The following ARHGAP26 variants were observed in gnomAD, a reference collection of about 807,000 sequenced individuals.
ARHGAP26 encodes the protein Rho GTPase activating protein 26, also known as rho GTPase-activating protein 26.
A neutral mutation model predicts 104.8 loss-of-function variants in ARHGAP26; 38 were observed. The observed-to-expected ratio is 0.36, with a 90% CI of 0.28 to 0.48. The LOEUF is 0.48. ARHGAP26 is among the 20% of genes least tolerant of loss of function. The pLI, the probability that ARHGAP26 is intolerant of heterozygous loss-of-function variation, is 0.99. For missense variants in ARHGAP26, 704 were observed against 947.9 expected (o/e 0.74, Z 3.38); for synonymous variants, 341 against 340.0 (o/e 1.00, Z -0.03).
At chr5:142,914,425 A>C (rs1040790815) in intron 10 of ARHGAP26, among the ~76,000 whole-genome samples, 3 of 152,240 alleles carry the variant, frequency 2.0e-5, no homozygotes, top group Admixed American at 6.5e-5. Flanking sequence ...ACTTTGAGCA[A>C]ATTACTTAAT....
At chr5:143,050,138 T>C (rs1465470465) in intron 14 of ARHGAP26, among the ~76,000 whole-genome samples, 1 of 152,222 alleles carries the variant, frequency 6.6e-6, no homozygotes, top group Non-Finnish European at 1.5e-5. Context: ...ACCTATCACA[T>C]TGTTTCCCCA....
intron 1 of ARHGAP26, among the ~76,000 whole-genome samples, chr5:142,817,821 C>G (rs1765433902): frequency 6.6e-6 from 1 of 152,148 alleles, no homozygotes; most frequent in South Asian, 2.1e-4. Flanking sequence ...ATAGGACCAG[C>G]CATACTAATG....
chr5:142,861,269 A>G (rs1353658359), intron 1 of ARHGAP26, among the ~76,000 whole-genome samples: 1 of 152,026 alleles, frequency 6.6e-6, no homozygotes, highest in Non-Finnish European at 1.5e-5. Context: ...AAAAGTGACT[A>G]ATTAAAGAGG....
chr5:142,907,633 G>C (rs77347326), intron 8 of ARHGAP26, 71 bp from the exon 9 acceptor site: 1 of 1,056,062 alleles, frequency 9.5e-7, no homozygotes, highest in African/African-American at 1.6e-5. Flanking sequence ...ATGGGTTGTG[G>C]TTTTTCCAGC....
At chr5:143,029,553 C>G (rs1246933717) in intron 12 of ARHGAP26, among the ~76,000 whole-genome samples, 1 of 151,294 alleles carries the variant, frequency 6.6e-6, no homozygotes, top group Non-Finnish European at 1.5e-5. Context: ...CACAGGTTCA[C>G]ACCACCATGC....
intron 1 of ARHGAP26, among the ~76,000 whole-genome samples, chr5:142,867,486 C>A (rs528575528): frequency 1.3e-4 from 20 of 152,164 alleles, no homozygotes; most frequent in Non-Finnish European, 2.1e-4. Flanking sequence ...AAATGCCTCT[C>A]TCCAAGCACA....
At chr5:142,974,272 C>T (rs544904160) in intron 11 of ARHGAP26, among the ~76,000 whole-genome samples, 9 of 151,116 alleles carry the variant, frequency 6.0e-5, no homozygotes, top group African/African-American at 1.7e-4. Flanking sequence ...AAACTTTTCT[C>T]GACCTACCTG....
intron 21 of ARHGAP26, among the ~76,000 whole-genome samples, chr5:143,212,070 A>G (rs1188465610): frequency 6.6e-6 from 1 of 152,134 alleles, no homozygotes; most frequent in African/African-American, 2.4e-5. Context: ...GTTTGTGAAA[A>G]TCCAGTCAGA....
At chr5:142,949,182 A>AGAGAGAGAGAGAGAGAGAGAGAGAG (rs1767709457) in intron 11 of ARHGAP26, among the ~76,000 whole-genome samples, 28 of 16,246 alleles carry the variant, frequency 1.7e-3, no homozygotes, top group African/African-American at 6.8e-3. Context: ...AGAGAGAGAG[A>AGAGAGAGAGAGAGAGAGAGAGAGAG]GAGAGAGAGA....
chr5:143,034,329 A>G (rs1270917913), intron 12 of ARHGAP26, among the ~76,000 whole-genome samples: 2 of 152,338 alleles, frequency 1.3e-5, no homozygotes, highest in East Asian at 3.9e-4. Flanking sequence ...CACAACAGCC[A>G]AAAAGTGGAA....
intron 20 of ARHGAP26, among the ~76,000 whole-genome samples, chr5:143,159,733 A>G (rs1489024881): frequency 6.6e-6 from 1 of 152,202 alleles, no homozygotes; most frequent in East Asian, 1.9e-4. Flanking sequence ...ATACTATTTT[A>G]TATAAGAATC....
At chr5:143,004,829 C>G (rs1201652548) in intron 11 of ARHGAP26, among the ~76,000 whole-genome samples, 1 of 152,080 alleles carries the variant, frequency 6.6e-6, no homozygotes, top group Non-Finnish European at 1.5e-5. Context: ...CAGGATATAG[C>G]CAATGTCAAG....
chr5:143,036,660 C>T (rs1782684440), intron 12 of ARHGAP26, among the ~76,000 whole-genome samples: 1 of 152,166 alleles, frequency 6.6e-6, no homozygotes, highest in Admixed American at 6.5e-5. Flanking sequence ...CATGTATTGG[C>T]TCTGCATCTT....
chr5:143,112,180 A>G (rs1023849178), intron 17 of ARHGAP26, among the ~76,000 whole-genome samples: 2 of 152,232 alleles, frequency 1.3e-5, no homozygotes, highest in Non-Finnish European at 2.9e-5. Flanking sequence ...AGAGAATTGA[A>G]GAATTAGAAT....
At chr5:142,864,271 G>T (rs1753869701) in intron 1 of ARHGAP26, among the ~76,000 whole-genome samples, 1 of 152,128 alleles carries the variant, frequency 6.6e-6, no homozygotes, top group African/African-American at 2.4e-5. Context: ...TTCATCTGGG[G>T]CTGGCCTGCC....
At position 143,225,672 on chromosome 5, in the gene ARHGAP26, G is replaced by A. The variant is rs138696196; in HGVS notation, c.*3226G>A. 4.0e-5 allele frequency: 9 copies of A among 223,286 alleles called. No individual in the cohort carries two copies. The highest frequency in any genetic ancestry group is 1.3e-4 in the African/African-American group (6 of 44,804). The allele number at this position is 223,286 out of a possible 1,614,324, so 13.8% of individuals were successfully genotyped here. On this transcript the variant is annotated 3_prime_UTR_variant, in exon 23 of 23. Transcript: ENST00000645722. ...CTTGAGTTGGCTCTGATTTGAAATC[G>A]GGAGAAACAGAGCTGCTGCCAATGG...
intron 12 of ARHGAP26, among the ~76,000 whole-genome samples, chr5:143,030,706 C>T (rs1190543681): frequency 2.6e-5 from 4 of 152,248 alleles, no homozygotes; most frequent in South Asian, 2.1e-4. Context: ...CACTGCCCCT[C>T]GGCAACTCTC....
intron 1 of ARHGAP26, among the ~76,000 whole-genome samples, chr5:142,797,426 G>C (rs1422297525): frequency 2.6e-5 from 4 of 152,224 alleles, no homozygotes; most frequent in Non-Finnish European, 5.9e-5. Flanking sequence ...TTGAGAAGCT[G>C]TCCCTCAAAG....
intron 19 of ARHGAP26, among the ~76,000 whole-genome samples, chr5:143,144,387 A>T (rs1264410452): frequency 6.6e-6 from 1 of 151,586 alleles, no homozygotes; most frequent in African/African-American, 2.4e-5. Flanking sequence ...ACATTACGGG[A>T]TCATTTTTTC....
Sources: allele counts gnomAD v4.1 joint callset (sites outside exome capture counted in the v4.1 genomes callset), GRCh38; gene constraint gnomAD v4.1.1; transcripts MANE v1.5; gene names NCBI Gene and HGNC (gene_info 2026-07-23, HGNC 2026-07-21).